LRPAP1: variants seen among roughly 807,000 people sequenced by gnomAD.
The protein encoded by LRPAP1 is alpha-2-macroglobulin receptor-associated protein.
A neutral mutation model predicts 39.9 loss-of-function variants in LRPAP1; 41 were observed. The ratio of observed to expected loss-of-function variants is 1.03; its 90% CI spans 0.80 to 1.33. LRPAP1 has a LOEUF of 1.33. Among genes scored for constraint, LRPAP1 ranks in the 40% most tolerant of loss-of-function variants. LRPAP1 has a pLI of 0.00. For missense variants in LRPAP1, 565 were observed against 482.3 expected (o/e 1.17, Z -1.61); for synonymous variants, 263 against 212.7 (o/e 1.24, Z -2.06).
chr4:3,519,082 G>A (rs901856256), intron 3 of LRPAP1, 91 bp from the exon 4 acceptor site: 73 of 1,549,226 alleles, frequency 4.7e-5, no homozygotes, highest in Non-Finnish European at 6.0e-5. Context: ...GGCCAGGCAG[G>A]CCCTTGCCTA....
At chr4:3,516,219 T>C (rs768715373) in intron 5 of LRPAP1, 21 bp from the exon 6 acceptor site, 20 of 1,552,178 alleles carry the variant, frequency 1.3e-5, no homozygotes, top group Admixed American at 1.9e-5. Context: ...GGAGCAAGAG[T>C]GGCCTCAGCA....
At chr4:3,528,334 G>T (rs1730141743) in intron 1 of LRPAP1, among the ~76,000 whole-genome samples, 1 of 152,168 alleles carries the variant, frequency 6.6e-6, no homozygotes, top group South Asian at 2.1e-4. Flanking sequence ...AAGCAGAGCC[G>T]ACCGTGTCCT....
At chr4:3,519,985 G>A (rs1729855253) in intron 3 of LRPAP1, 87 bp downstream of exon 3, 1 of 1,528,380 alleles carries the variant, frequency 6.5e-7, no homozygotes, top group Admixed American at 1.8e-5. Context: ...CTCCCATGCA[G>A]AGCAGAGACT....
In LRPAP1 at chr4:3,511,651, A is replaced by AACAGTCAAGCCAAGATCCAGCT. The variant is rs1729518193; in HGVS notation, c.*1301_*1322dup. On this transcript the variant is annotated 3_prime_UTR_variant, in exon 8 of 8. Transcript: ENST00000650182. ...GCTTAGCGGATGTTTGGCAGATCTC[A>AACAGTCAAGCCAAGATCCAGCT]ACAGTCAAGCCAAGATCCAGCTGCA... is the stretch of plus-strand genomic sequence containing the variant. The AACAGTCAAGCCAAGATCCAGCT allele has an allele frequency of 6.6e-6, 1 of 152,320 alleles. No homozygotes were observed. Among genetic ancestry groups the AACAGTCAAGCCAAGATCCAGCT allele is most frequent in the Non-Finnish European group, 1.5e-5 (1 of 68,094 alleles). 9.4% of individuals were successfully genotyped at this position (152,320 alleles called of 1,614,324 possible).
chr4:3,512,877 C>A lies in LRPAP1; in HGVS notation c.*97G>T, dbSNP rs1729572896. On this transcript the variant is annotated 3_prime_UTR_variant, in exon 8 of 8. Coordinates refer to ENST00000650182, the MANE Select transcript of LRPAP1 (RefSeq NM_002337.4). Reference sequence around the variant, plus strand: ...GCCTCGACACCCGTGCCAGCCCCAGCCACCCTGACGGCGGGCTGTCCACGG... The same window carrying A: ...GCCTCGACACCCGTGCCAGCCCCAGACACCCTGACGGCGGGCTGTCCACGG... The A allele has an allele frequency of 1.8e-6, 2 of 1,107,724 alleles. No homozygotes were observed. Among genetic ancestry groups the A allele is most frequent in the East Asian group, 2.6e-5 (1 of 38,516 alleles). 68.6% of individuals were successfully genotyped at this position (1,107,724 alleles called of 1,614,324 possible). A position where few individuals can be genotyped will look rare whatever the true frequency, so the allele number is the denominator to read the frequency against.
rs901450436 is a variant in LRPAP1 at position 3,505,657 on chromosome 4, G to A, written c.*7317C>T. ...CGTCTATACCAGCTACCCCAAGACCGTCTATACCAGCTACCCCAAGACCGT... is the reference window on the plus strand; with the variant it reads ...CGTCTATACCAGCTACCCCAAGACCATCTATACCAGCTACCCCAAGACCGT... On this transcript the variant is annotated 3_prime_UTR_variant, in exon 8 of 8. Transcript: ENST00000650182. Among the ~76,000 whole-genome samples, 27 of 152,118 alleles carry A rather than the reference G, an allele frequency of 1.8e-4. No individual in the cohort carries two copies. The highest frequency in any genetic ancestry group is 6.3e-4 in the African/African-American group (26 of 41,488).
chr4:3,519,112 T>A, intron 3 of LRPAP1, 121 bp from the exon 4 acceptor site: 2 of 1,475,588 alleles, frequency 1.4e-6, no homozygotes, highest in Non-Finnish European at 1.8e-6. Context: ...CAGGCCAGGT[T>A]CTTGGCCTCA....
At position 3,515,992 on chromosome 4, in the gene LRPAP1, G is replaced by A. The variant is rs1729682106; in HGVS notation, c.834+124C>T. The A allele has an allele frequency of 3.1e-6, 3 of 979,132 alleles. No homozygotes were observed. The East Asian group carries it at 7.9e-5, about 26-fold the overall frequency. The allele number at this position is 979,132 out of a possible 1,614,324, so 60.7% of individuals were successfully genotyped here. A position where few individuals can be genotyped will look rare whatever the true frequency, so the allele number is the denominator to read the frequency against. On this transcript the variant is annotated intron_variant, in intron 6 of 7. Coordinates refer to ENST00000650182, the MANE Select transcript of LRPAP1 (RefSeq NM_002337.4). The stretch of plus-strand genomic sequence containing the variant: ...CAAGCAGGTTCACCGAGTGGTTAAG[G>A]AAGAAACTGCGAGAATCTTGAGAGA...
In LRPAP1 at chr4:3,511,702, G is replaced by A. The variant is rs1307061402; in HGVS notation, c.*1272C>T. ...GTCAAAACACAATACGCCTGGTGGA[G>A]CCTCTTCCAGGTTCAAACACGGGAA... is the stretch of plus-strand genomic sequence containing the variant. On this transcript the variant is annotated 3_prime_UTR_variant, in exon 8 of 8. Transcript: ENST00000650182. 1 of 152,076 alleles carries A rather than the reference G, an allele frequency of 6.6e-6. No individual in the cohort carries two copies. The highest frequency in any genetic ancestry group is 2.4e-5 in the African/African-American group (1 of 41,346). 9.4% of individuals were successfully genotyped at this position (152,076 alleles called of 1,614,324 possible).
chr4:3,514,955 G>T, intron 6 of LRPAP1, 27 bp from the exon 7 acceptor site: 1 of 1,610,038 alleles, frequency 6.2e-7, no homozygotes. Context: ...ATAGGTGAGT[G>T]TTCCCTTCCC....
At chr4:3,513,069 A>G (rs774685294) in intron 7 of LRPAP1, 33 bp from the exon 8 acceptor site, 6 of 1,577,712 alleles carry the variant, frequency 3.8e-6, no homozygotes, top group Admixed American at 1.7e-5. Context: ...AGCTGGGGAC[A>G]GCGCGCCTCG....
intron 6 of LRPAP1, 145 bp from the exon 7 acceptor site, chr4:3,515,073 C>A: frequency 3.4e-6 from 3 of 889,000 alleles, no homozygotes; most frequent in Non-Finnish European, 5.2e-6. Flanking sequence ...AATGAGGGGG[C>A]GGCAGCTGGG....
chr4:3,517,879 T>C (rs1043873462), intron 5 of LRPAP1, 155 bp downstream of exon 5: 36 of 871,690 alleles, frequency 4.1e-5, no homozygotes, highest in Non-Finnish European at 4.3e-5. Context: ...GAGCGAGGCC[T>C]GTGACCACCC....
chr4:3,529,013 T>G (rs769674337), intron 1 of LRPAP1, among the ~76,000 whole-genome samples: 1 of 152,104 alleles, frequency 6.6e-6, no homozygotes, highest in Non-Finnish European at 1.5e-5. Flanking sequence ...CAGTCACCAT[T>G]CACGTCAGAA....
At chr4:3,530,120 TC>T (rs1480191861) in intron 1 of LRPAP1, among the ~76,000 whole-genome samples, 1 of 152,078 alleles carries the variant, frequency 6.6e-6, no homozygotes, top group Admixed American at 6.5e-5. Context: ...CGAACAATTC[TC>T]TCCCCCTACG....
chr4:3,527,496 C>T (rs1619353), intron 1 of LRPAP1, among the ~76,000 whole-genome samples: 501 of 152,336 alleles, frequency 3.3e-3, no homozygotes, highest in Middle Eastern at 0.01. Context: ...GGTCTGCTTC[C>T]ATCTCTACTT....
intron 7 of LRPAP1, 133 bp downstream of exon 7, chr4:3,514,619 G>A (rs540571606): frequency 5.0e-6 from 6 of 1,207,750 alleles, no homozygotes; most frequent in African/African-American, 4.6e-5. Flanking sequence ...TGGCCCTGGG[G>A]TTCAACTCGG....
rs957510799 is a variant in LRPAP1 at position 3,508,314 on chromosome 4, A to G, written c.*4660T>C. 2 of 152,216 alleles carry G rather than the reference A, an allele frequency of 1.3e-5. No homozygotes were observed. Among genetic ancestry groups the G allele is most frequent in the African/African-American group, 4.8e-5 (2 of 41,452 alleles). 9.4% of individuals were successfully genotyped at this position (152,216 alleles called of 1,614,324 possible). ...AGCCACCATGCCAGGCCTCATGTCT[A>G]TTTTTAAAAATCAAGTTCTTAATGA... On this transcript the variant is annotated 3_prime_UTR_variant, in exon 8 of 8. Transcript: ENST00000650182.
chr4:3,526,896 C>T (rs1185792620), intron 1 of LRPAP1, among the ~76,000 whole-genome samples: 1 of 152,238 alleles, frequency 6.6e-6, no homozygotes, highest in Non-Finnish European at 1.5e-5. Context: ...CCTAGCCACA[C>T]AGGCCCCACC....
Sources: gnomAD v4.1 joint callset for allele counts (sites outside exome capture counted in the v4.1 genomes callset) on GRCh38, gnomAD v4.1.1 for gene constraint, MANE v1.5 for transcripts, NCBI Gene and HGNC (gene_info 2026-07-23, HGNC 2026-07-21) for gene names.